The following CBX5 variants were observed in gnomAD, a reference collection of about 807,000 sequenced individuals.
CBX5 encodes the protein chromobox 5.
CBX5 carries 7 observed loss-of-function variants against 20.7 expected under a neutral mutation model. That is an observed-to-expected ratio of 0.34 (90% CI 0.19 to 0.63). CBX5 has a LOEUF of 0.63. CBX5 is among the 30% of genes least tolerant of loss of function. The probability of loss-of-function intolerance (pLI) is 0.75; values close to 1 mark genes in which losing one functional copy is unlikely to be tolerated. For synonymous variants in CBX5, 78 were observed against 77.0 expected (o/e 1.01, Z -0.07); for missense variants, 110 against 224.1 (o/e 0.49, Z 3.25).
intron 1 of CBX5, among the ~76,000 whole-genome samples, chr12:54,275,398 C>T (rs375389258): frequency 6.6e-6 from 1 of 151,938 alleles, no homozygotes; most frequent in Non-Finnish European, 1.5e-5. Flanking sequence ...TGTGCCACCA[C>T]GCCCGGCTAA....
intron 3 of CBX5, among the ~76,000 whole-genome samples, chr12:54,250,078 T>C (rs556756079): frequency 6.6e-6 from 1 of 151,776 alleles, no homozygotes; most frequent in Non-Finnish European, 1.5e-5. Context: ...CAAAATTAGC[T>C]GGGCATGGTG....
In CBX5 at chr12:54,246,230, T is replaced by C; in HGVS notation, c.325-15A>G. On this transcript the variant is annotated splice_polypyrimidine_tract_variant and intron_variant, in intron 3 of 4. Coordinates refer to ENST00000209875, the MANE Select transcript of CBX5 (RefSeq NM_012117.3). ...TCATTGCTCTGCTATAAATAGAAGA[T>C]AAAGAAAGGTTACAGCTTGTGGAAA... The C allele has an allele frequency of 6.3e-7, 1 of 1,580,000 alleles. No homozygotes were observed.
chr12:54,275,990 CAAAAAAAAAA>C (rs55963261), intron 1 of CBX5, among the ~76,000 whole-genome samples: 2 of 90,728 alleles, frequency 2.2e-5, no homozygotes, highest in South Asian at 3.7e-4. Context: ...GACTCCATTC[CAAAAAAAAAA>C]AAAAAAAAAA....
At position 54,237,634 on chromosome 12, in the gene CBX5, C is replaced by T. The variant is rs2137006003; in HGVS notation, c.*4121G>A. The T allele has an allele frequency of 6.5e-6, 1 of 153,122 alleles. No homozygotes were observed. Among genetic ancestry groups the T allele is most frequent in the South Asian group, 2.1e-4 (1 of 4,842 alleles). 9.5% of individuals were successfully genotyped at this position (153,122 alleles called of 1,614,324 possible). On this transcript the variant is annotated 3_prime_UTR_variant, in exon 5 of 5. Coordinates refer to ENST00000209875, the MANE Select transcript of CBX5 (RefSeq NM_012117.3). ...TAGCATTGTGAGCAAAAAACAGAAG[C>T]TTGTTTTGGGGACAGGAATTCCAAG...
rs950009877 is a variant in CBX5, at chr12:54,238,968, G to A, written c.*2787C>T. 1 of 152,238 alleles carries A rather than the reference G, an allele frequency of 6.6e-6. No individual in the cohort carries two copies. Among genetic ancestry groups the A allele is most frequent in the Admixed American group, 6.5e-5 (1 of 15,288 alleles). The allele number at this position is 152,238 out of a possible 1,614,324, so 9.4% of individuals were successfully genotyped here. On this transcript the variant is annotated 3_prime_UTR_variant, in exon 5 of 5. Transcript: ENST00000209875. ...AGAAAGCTCCATGAAACAGGTTTCT[G>A]TTTGAGGCTGTAATTCTTCTAGGGC...
rs1401798465 is a variant in CBX5 at position 54,240,823 on chromosome 12, G to A, written c.*932C>T. The A allele has an allele frequency of 2.0e-5, 3 of 152,060 alleles. No homozygotes were observed. Among genetic ancestry groups the A allele is most frequent in the Admixed American group, 2.0e-4 (3 of 15,268 alleles). 9.4% of individuals were successfully genotyped at this position (152,060 alleles called of 1,614,324 possible). On this transcript the variant is annotated 3_prime_UTR_variant, in exon 5 of 5. Transcript: ENST00000209875. ...GGCCACAAAAGTTGGCAGGGTTGGA[G>A]GGTGCCTAGCACCTTGGCACAAGCA...
Position 54,238,053 on chromosome 12 carries a change from G to A in CBX5, c.*3702C>T, listed in dbSNP as rs1340251040. 1 of 152,224 alleles carries A rather than the reference G, an allele frequency of 6.6e-6. No homozygotes were observed. Among genetic ancestry groups the A allele is most frequent in the Admixed American group, 6.6e-5 (1 of 15,262 alleles). The allele number at this position is 152,224 out of a possible 1,614,324, so 9.4% of individuals were successfully genotyped here. A position where few individuals can be genotyped will look rare whatever the true frequency, so the allele number is the denominator to read the frequency against. The stretch of plus-strand genomic sequence containing the variant: ...AAAAATACAAAAATTAGCTGGGCAT[G>A]GTGGCACACACCTGTAGTCCCAGCT... On this transcript the variant is annotated 3_prime_UTR_variant, in exon 5 of 5. Transcript: ENST00000209875.
In CBX5 at chr12:54,249,429, A is replaced by AT. The variant is rs200474259; in HGVS notation, c.324+2611dup. On this transcript the variant is annotated intron_variant, in intron 3 of 4. Coordinates refer to ENST00000209875, the MANE Select transcript of CBX5 (RefSeq NM_012117.3). ...CTGGGGTGCATCTTAGGCACTGGAG[A>AT]TTTTTTTTTTTTTTTAACGTACCCC... Among the ~76,000 whole-genome samples, 860 of 142,622 alleles carry AT rather than the reference A, an allele frequency of 6.0e-3. 8 individuals are homozygous for AT. The highest frequency in any genetic ancestry group is 0.018 in the African/African-American group (717 of 39,030). The allele number at this position is 142,622 out of a possible 152,430, so 93.6% of individuals were successfully genotyped here.
intron 1 of CBX5, chr12:54,257,951 C>A: frequency 3.6e-6 from 1 of 280,920 alleles, no homozygotes; most frequent in Non-Finnish European, 6.6e-6. Flanking sequence ...TTTCAGATTC[C>A]AAAAGACAAG....
At chr12:54,268,951 T>C (rs952273115) in intron 1 of CBX5, among the ~76,000 whole-genome samples, 2 of 152,192 alleles carry the variant, frequency 1.3e-5, no homozygotes, top group Admixed American at 6.5e-5. Flanking sequence ...AAATGTCTGA[T>C]AGTAGATGAA....
chr12:54,275,882 C>G (rs1027999628), intron 1 of CBX5, among the ~76,000 whole-genome samples: 8 of 150,618 alleles, frequency 5.3e-5, no homozygotes, highest in Non-Finnish European at 8.8e-5. Flanking sequence ...CCCAGCTACT[C>G]AGGAGGCTGG....
At chr12:54,246,633 T>C (rs922304740) in intron 3 of CBX5, among the ~76,000 whole-genome samples, 1 of 151,706 alleles carries the variant, frequency 6.6e-6, no homozygotes, top group Non-Finnish European at 1.5e-5. Context: ...TACAAAAAAT[T>C]AGCCAGGCAT....
chr12:54,264,568 C>A (rs934226611), intron 1 of CBX5, among the ~76,000 whole-genome samples: 2 of 152,178 alleles, frequency 1.3e-5, no homozygotes, highest in Non-Finnish European at 2.9e-5. Flanking sequence ...GCCAGCCGGG[C>A]GCAGTGGCTC....
At chr12:54,265,499 A>G (rs1475362445) in intron 1 of CBX5, among the ~76,000 whole-genome samples, 2 of 152,244 alleles carry the variant, frequency 1.3e-5, no homozygotes, top group African/African-American at 2.4e-5. Context: ...AAATGGGCTG[A>G]TAACTATCAC....
At chr12:54,259,534 C>T (rs1463222461) in intron 1 of CBX5, 1 of 152,662 alleles carries the variant, frequency 6.6e-6, no homozygotes, top group Non-Finnish European at 1.5e-5. Context: ...CTTTCTTTCC[C>T]TCTGGGCTAA....
chr12:54,246,014 T>G (rs369702760), intron 4 of CBX5, 101 bp downstream of exon 4: 2 of 805,872 alleles, frequency 2.5e-6, no homozygotes, highest in South Asian at 2.9e-5. Flanking sequence ...CATTCAAAAT[T>G]CATGGTTTGG....
At chr12:54,256,088 C>T (rs1470943708) in intron 2 of CBX5, among the ~76,000 whole-genome samples, 1 of 152,184 alleles carries the variant, frequency 6.6e-6, no homozygotes. Context: ...CTTACCTTTT[C>T]CCCTTTCATC....
chr12:54,232,156 G>C lies in CBX5; in HGVS notation c.*9599C>G, dbSNP rs531544066. On this transcript the variant is annotated 3_prime_UTR_variant, in exon 5 of 5. Transcript: ENST00000209875. ...TCTGAAATGGCCTCCCTCTGTGAAT[G>C]CAAGACACAGAAAATCCCAAGTGCC... is the stretch of plus-strand genomic sequence containing the variant. The C allele has an allele frequency of 6.6e-6, 1 of 152,248 alleles. No individual in the cohort carries two copies. Among genetic ancestry groups the C allele is most frequent in the African/African-American group, 2.4e-5 (1 of 41,516 alleles). The allele number at this position is 152,248 out of a possible 1,614,324, so 9.4% of individuals were successfully genotyped here.
At chr12:54,277,297 G>C (rs1298727033) in intron 1 of CBX5, 1 of 152,068 alleles carries the variant, frequency 6.6e-6, no homozygotes, top group African/African-American at 2.4e-5. Flanking sequence ...TCTGCTTCCT[G>C]GGTTCAAGCA....
Sources: gnomAD v4.1 joint callset for allele counts (sites outside exome capture counted in the v4.1 genomes callset) on GRCh38, gnomAD v4.1.1 for gene constraint, MANE v1.5 for transcripts, NCBI Gene and HGNC (gene_info 2026-07-23, HGNC 2026-07-21) for gene names.